Variants in NT5DC4 observed in about 807,000 individuals in gnomAD.
The protein encoded by NT5DC4 is 5'-nucleotidase domain containing 4.
Under a neutral mutation model 26.6 loss-of-function variants are expected in NT5DC4, and 44 were observed. The ratio of observed to expected loss-of-function variants is 1.65; its 90% CI spans 1.30 to 2.13. The LOEUF is 2.13. Ranked by LOEUF, NT5DC4 falls within the 30% of genes most tolerant of loss-of-function variation. The pLI is 0.00. For missense variants in NT5DC4, 399 were observed against 228.1 expected, an observed-to-expected ratio of 1.75 and a Z score of -4.83; for synonymous variants, 157 against 86.7, an observed-to-expected ratio of 1.81 and a Z score of -4.51.
At chr2:112,742,427 A>G (rs1450758785), downstream of NT5DC4, 1 of 717,512 alleles carries the variant, frequency 1.4e-6, no homozygotes, top group Admixed American at 2.0e-5. Context: ...TCCAGCAAAG[A>G]GCTGTTTGTC....
At chr2:112,741,911 C>A (rs1416254546), downstream of NT5DC4, among the ~76,000 whole-genome samples, 1 of 151,210 alleles carries the variant, frequency 6.6e-6, no homozygotes, top group Admixed American at 6.6e-5. Flanking sequence ...CAAGCACGCA[C>A]CACCACAACT....
chr2:112,739,523 G>T (rs1478703783), downstream of NT5DC4, among the ~76,000 whole-genome samples: 1 of 152,078 alleles, frequency 6.6e-6, no homozygotes, highest in Non-Finnish European at 1.5e-5. Flanking sequence ...TATGAAGTGT[G>T]GTTTTTATTT....
chr2:112,731,641 A>C (rs1678497446), intron 16 of NT5DC4: 1 of 152,198 alleles, frequency 6.6e-6, no homozygotes, highest in African/African-American at 2.4e-5. Context: ...ATGTGTTAGA[A>C]GCTTCTCTGT....
At chr2:112,739,432 C>CG (rs1247921425), downstream of NT5DC4, among the ~76,000 whole-genome samples, 1 of 152,138 alleles carries the variant, frequency 6.6e-6, no homozygotes, top group Admixed American at 6.6e-5. Context: ...AAAAAAAAGG[C>CG]TTTTCCCTGA....
At chr2:112,719,227 C>T (rs965152045), upstream of NT5DC4, among the ~76,000 whole-genome samples, 1 of 152,152 alleles carries the variant, frequency 6.6e-6, no homozygotes, top group Non-Finnish European at 1.5e-5. Context: ...GTCACTAAGC[C>T]ATAGGAGTTG....
Position 112,721,123 on chromosome 2 carries a change from CT to C in NT5DC4, c.45del (p.Gln16LysfsTer44), listed in dbSNP as rs1304669705. Among the ~76,000 whole-genome samples, 2 of 152,166 alleles carry C rather than the reference CT, an allele frequency of 1.3e-5. No individual in the cohort carries two copies. The highest frequency in any genetic ancestry group is 2.4e-5 in the African/African-American group (1 of 41,446). On this transcript the variant is annotated frameshift_variant, in exon 1 of 17. Coordinates refer to ENST00000688554, the MANE Select transcript of NT5DC4 (RefSeq NM_001393655.1). LOFTEE classifies it high-confidence loss of function. ...AGAGAGCCGGAGGGACTGGTCTCCCCTCAAGGCCCGAAGCAGGACTGGCACC... is the reference window on the plus strand; with the variant it reads ...AGAGAGCCGGAGGGACTGGTCTCCCCCAAGGCCCGAAGCAGGACTGGCACC... ...DWREPEGLVSPQGPKQDWHQR... is the reference protein window; with the variant it reads ...DWREPEGLVSXQGPKQDWHQR...
At chr2:112,740,275 T>C (rs1679824010), downstream of NT5DC4, among the ~76,000 whole-genome samples, 2 of 152,182 alleles carry the variant, frequency 1.3e-5, no homozygotes, top group Non-Finnish European at 2.9e-5. Context: ...CAAAGAACTG[T>C]TGTCTTGGTG....
rs1046085764 is a variant in NT5DC4 at position 112,724,258 on chromosome 2, G to A, written c.789+132G>A. ...TGAGGAAGACCTGAGTGTGTGAGTGGTCATTTCTCATGAGTGGAAGCTCCC... is the reference window on the plus strand; with the variant it reads ...TGAGGAAGACCTGAGTGTGTGAGTGATCATTTCTCATGAGTGGAAGCTCCC... On this transcript the variant is annotated intron_variant, in intron 10 of 16. Coordinates refer to ENST00000688554, the MANE Select transcript of NT5DC4 (RefSeq NM_001393655.1). 1.3e-5 allele frequency: 9 copies of A among 687,012 alleles called. No individual in the cohort carries two copies. The Admixed American group carries it at 1.8e-4, about 14-fold the overall frequency. The allele number at this position is 687,012 out of a possible 1,614,324, so 42.6% of individuals were successfully genotyped here.
At chr2:112,726,989 C>T (rs1677831968) in intron 15 of NT5DC4, 1 of 554,326 alleles carries the variant, frequency 1.8e-6, no homozygotes, top group South Asian at 2.1e-5. Context: ...GTCCCACAGT[C>T]TTTGCCAATC....
In NT5DC4 at chr2:112,729,721, G is replaced by A. The variant is rs746506957; in HGVS notation, c.1344+17G>A. On this transcript the variant is annotated intron_variant, in intron 16 of 16. Transcript: ENST00000688554. ...AACCAGAGGGTGAGTGGCTGTGGCC[G>A]ACGAACTCTGTGGCTTGGGGTCCCA... is the stretch of plus-strand genomic sequence containing the variant. The A allele has an allele frequency of 1.5e-5, 11 of 717,342 alleles. No homozygotes were observed. Among genetic ancestry groups the A allele is most frequent in the Admixed American group, 4.0e-5 (2 of 50,010 alleles). 44.4% of individuals were successfully genotyped at this position (717,342 alleles called of 1,614,324 possible). A position where few individuals can be genotyped will look rare whatever the true frequency, so the allele number is the denominator to read the frequency against.
rs1677768157 is a variant in NT5DC4, at chr2:112,726,671, G to A, written c.1206-7G>A. 2 of 717,500 alleles carry A rather than the reference G, an allele frequency of 2.8e-6. No individual in the cohort carries two copies. The highest frequency in any genetic ancestry group is 3.5e-5 in the African/African-American group (2 of 57,402). 44.4% of individuals were successfully genotyped at this position (717,500 alleles called of 1,614,324 possible). A position where few individuals can be genotyped will look rare whatever the true frequency, so the allele number is the denominator to read the frequency against. On this transcript the variant is annotated splice_polypyrimidine_tract_variant and splice_region_variant and intron_variant, in intron 14 of 16. Transcript: ENST00000688554. ...TCCCCTGGGTCACCTAGCTATTTTT[G>A]TACCAGGCACATGGATGGGAGCAGT... is the stretch of plus-strand genomic sequence containing the variant.
chr2:112,722,993 G>T, intron 6 of NT5DC4, 88 bp from the exon 7 acceptor site: 1 of 653,638 alleles, frequency 1.5e-6, no homozygotes, highest in Non-Finnish European at 2.8e-6. Flanking sequence ...CAGTGTGGCT[G>T]GTGGGGTTGC....
chr2:112,732,829 A>G (rs1678641065), intron 16 of NT5DC4, among the ~76,000 whole-genome samples: 1 of 152,126 alleles, frequency 6.6e-6, no homozygotes, highest in South Asian at 2.1e-4. Flanking sequence ...CTCTCCCCTC[A>G]GCGAAGATCC....
Position 112,725,069 on chromosome 2 carries a change from AC to A in NT5DC4, c.916-99del, listed in dbSNP as rs985035175. ...CCCTCTGCTGCCTCCTTCCTCCCAC[AC>A]CCCCCATGGTTACCTCTGCCACTCC... is the stretch of plus-strand genomic sequence containing the variant. On this transcript the variant is annotated intron_variant, in intron 11 of 16. Transcript: ENST00000688554. 9 of 645,754 alleles carry A rather than the reference AC, an allele frequency of 1.4e-5. No individual in the cohort carries two copies. The East Asian group carries it at 2.2e-4, about 16-fold the overall frequency. The allele number at this position is 645,754 out of a possible 1,614,324, so 40.0% of individuals were successfully genotyped here. A position where few individuals can be genotyped will look rare whatever the true frequency, so the allele number is the denominator to read the frequency against.
chr2:112,723,981 C>T (rs1677336418), intron 9 of NT5DC4, 113 bp from the exon 10 acceptor site: 1 of 706,224 alleles, frequency 1.4e-6, no homozygotes, highest in East Asian at 2.7e-5. Flanking sequence ...GAATGAGCAA[C>T]TTTCTCACCA....
chr2:112,735,864 A>G (rs908601175), intron 16 of NT5DC4, among the ~76,000 whole-genome samples: 2 of 152,222 alleles, frequency 1.3e-5, no homozygotes, highest in African/African-American at 4.8e-5. Flanking sequence ...TATAATTATT[A>G]GACACCAATA....
chr2:112,722,792 A>C, intron 6 of NT5DC4, 21 bp downstream of exon 6: 1 of 717,438 alleles, frequency 1.4e-6, no homozygotes, highest in Non-Finnish European at 2.6e-6. Flanking sequence ...TGCCCTGCCC[A>C]GCCCTGGGAC....
At chr2:112,723,008 G>T (rs892811932) in intron 6 of NT5DC4, 73 bp from the exon 7 acceptor site, 1 of 483,148 alleles carries the variant, frequency 2.1e-6, no homozygotes, top group Admixed American at 2.9e-5. Flanking sequence ...GGTTGCTCTG[G>T]TGTGGGACTC....
intron 10 of NT5DC4, 62 bp downstream of exon 10, chr2:112,724,188 G>C: frequency 2.8e-6 from 2 of 715,824 alleles, no homozygotes; most frequent in South Asian, 3.0e-5. Flanking sequence ...AGGGTGCCAG[G>C]CTGCACCACG....
Sources: gnomAD v4.1 joint callset for allele counts (sites outside exome capture counted in the v4.1 genomes callset) on GRCh38, gnomAD v4.1.1 for gene constraint, MANE v1.5 for transcripts, NCBI Gene and HGNC (gene_info 2026-07-23, HGNC 2026-07-21) for gene names.